Variants in KCNH1 observed in about 807,000 individuals in gnomAD.
KCNH1 encodes voltage-gated delayed rectifier potassium channel KCNH1.
In KCNH1, 27 loss-of-function variants were observed where a neutral mutation model predicts 69.2. The observed-to-expected ratio is 0.39, with a 90% CI of 0.29 to 0.54. The LOEUF is 0.54. KCNH1 is among the 20% of genes least tolerant of loss of function. The pLI, the probability that KCNH1 is intolerant of heterozygous loss-of-function variation, is 0.68. For synonymous variants in KCNH1, 456 were observed against 487.7 expected (o/e 0.93, Z 0.86); for missense variants, 798 against 1,261.6 (o/e 0.63, Z 5.57).
At chr1:211,087,606 TAC>T (rs59377189) in intron 4 of KCNH1, among the ~76,000 whole-genome samples, 10,135 of 142,594 alleles carry the variant, frequency 0.071, 518 homozygotes, top group African/African-American at 0.15. Flanking sequence ...CCTTTAAGCA[TAC>T]ACACACACAC....
chr1:210,970,620 C>T (rs1230796634), intron 6 of KCNH1, among the ~76,000 whole-genome samples: 4 of 152,140 alleles, frequency 2.6e-5, no homozygotes, highest in Admixed American at 2.6e-4. Context: ...CTTCCTCACA[C>T]CTTATACAAA....
At chr1:211,049,157 AACCC>A (rs1166142566) in intron 5 of KCNH1, among the ~76,000 whole-genome samples, 6 of 152,252 alleles carry the variant, frequency 3.9e-5, no homozygotes, top group African/African-American at 1.4e-4. Flanking sequence ...ACCCACAAGG[AACCC>A]ACAGTTTAGA....
intron 6 of KCNH1, among the ~76,000 whole-genome samples, chr1:210,944,458 G>C (rs1687923351): frequency 6.6e-6 from 1 of 152,252 alleles, no homozygotes; most frequent in South Asian, 2.1e-4. Flanking sequence ...CAAGGGGTGG[G>C]ACCACTTAAC....
At chr1:210,789,623 A>AT (rs1488074068) in intron 9 of KCNH1, among the ~76,000 whole-genome samples, 2 of 152,172 alleles carry the variant, frequency 1.3e-5, no homozygotes, top group African/African-American at 4.8e-5. Flanking sequence ...TTAAAACAAC[A>AT]TTTTTTTCCA....
intron 10 of KCNH1, among the ~76,000 whole-genome samples, chr1:210,753,471 C>T (rs1311050072): frequency 6.6e-6 from 1 of 152,188 alleles, no homozygotes; most frequent in Non-Finnish European, 1.5e-5. Context: ...ATGGGGTTGT[C>T]CTCGGCTTTG....
intron 7 of KCNH1, among the ~76,000 whole-genome samples, chr1:210,836,267 C>T (rs1685280878): frequency 6.6e-6 from 1 of 152,056 alleles, no homozygotes; most frequent in Non-Finnish European, 1.5e-5. Context: ...AAGAGGGTAG[C>T]TTTGTACTTA....
intron 5 of KCNH1, among the ~76,000 whole-genome samples, chr1:211,080,450 C>T (rs977752473): frequency 6.6e-6 from 1 of 152,160 alleles, no homozygotes; most frequent in Non-Finnish European, 1.5e-5. Context: ...ACTTTCTTCA[C>T]AGAATTGGAA....
chr1:210,702,748 T>C (rs1681812212), intron 10 of KCNH1, among the ~76,000 whole-genome samples: 1 of 152,214 alleles, frequency 6.6e-6, no homozygotes, highest in South Asian at 2.1e-4. Flanking sequence ...TGATTTGTGC[T>C]TCTAAGGACA....
At chr1:210,829,850 C>T (rs551458119) in intron 7 of KCNH1, among the ~76,000 whole-genome samples, 8 of 152,280 alleles carry the variant, frequency 5.3e-5, no homozygotes, top group East Asian at 1.9e-4. Context: ...TACCTTCTAA[C>T]GAATCATAAA....
At chr1:211,031,823 T>G (rs1450254071) in intron 5 of KCNH1, among the ~76,000 whole-genome samples, 1 of 152,126 alleles carries the variant, frequency 6.6e-6, no homozygotes, top group African/African-American at 2.4e-5. Flanking sequence ...GGACAAAAAC[T>G]GAAAGCATTC....
intron 6 of KCNH1, among the ~76,000 whole-genome samples, chr1:210,975,821 G>A (rs535258101): frequency 1.3e-5 from 2 of 152,232 alleles, no homozygotes; most frequent in African/African-American, 2.4e-5. Flanking sequence ...GCAACCTACA[G>A]AATGGGAGAA....
intron 6 of KCNH1, among the ~76,000 whole-genome samples, chr1:210,982,032 C>A (rs1311342942): frequency 1.3e-5 from 2 of 151,950 alleles, no homozygotes; most frequent in Non-Finnish European, 2.9e-5. Flanking sequence ...GCTCAGGAAT[C>A]AATCAGGCAA....
At chr1:210,684,283 C>T (rs1411825381) in intron 10 of KCNH1, 145 bp from the exon 11 acceptor site, 8 of 747,944 alleles carry the variant, frequency 1.1e-5, no homozygotes, top group Non-Finnish European at 1.5e-5. Flanking sequence ...TACAAGGCCT[C>T]ATGAGGCTTT....
In KCNH1 at chr1:210,683,283, A is replaced by G. The variant is rs754384098; in HGVS notation, c.2968T>C (p.Ter990ArgextTer37). The G allele has an allele frequency of 1.2e-6, 2 of 1,612,646 alleles. No homozygotes were observed. Among genetic ancestry groups the G allele is most frequent in the Non-Finnish European group, 1.7e-6 (2 of 1,179,286 alleles). ...GACTTTTTTTTTAAATAGACCTCTC[A>G]GCTGGCTCCAAAAATGTCTCTCTCT... ...ESERDIFGAS[*>R] Residue 990 changes from the stop codon to arginine (R), a stop_lost, in exon 11 of 11, where the codon TGA becomes CGA. Coordinates refer to ENST00000271751, the MANE Select transcript of KCNH1 (RefSeq NM_172362.3). This position sits in a 1 kb window ranked among gnomAD's most constrained non-coding sequence, Gnocchi z 5.7.
At chr1:211,055,399 A>G (rs990645340) in intron 5 of KCNH1, among the ~76,000 whole-genome samples, 4 of 152,236 alleles carry the variant, frequency 2.6e-5, no homozygotes, top group Non-Finnish European at 5.9e-5. Context: ...CATTCATCCC[A>G]GTAGTCAGAA....
intron 7 of KCNH1, among the ~76,000 whole-genome samples, chr1:210,837,035 T>TA (rs2102447946): frequency 6.6e-6 from 1 of 152,310 alleles, no homozygotes; most frequent in East Asian, 1.9e-4. Context: ...TACCATGACT[T>TA]ACGATGTTCT....
At chr1:210,889,420 T>A (rs1365635268) in intron 7 of KCNH1, among the ~76,000 whole-genome samples, 4 of 152,206 alleles carry the variant, frequency 2.6e-5, no homozygotes, top group African/African-American at 9.6e-5. Context: ...TAATGAGAGC[T>A]ATTTATGACC....
At position 211,019,070 on chromosome 1, in the gene KCNH1, C is replaced by T. The variant is rs747139848; in HGVS notation, c.745G>A (p.Ala249Thr). ...VSFKTRQNNVAWLVVDSIVDV... is the reference protein window; with the variant it reads ...VSFKTRQNNVTWLVVDSIVDV... ...ACGATGCTATCAACAACCAGCCAGGCCACATTATTCTGCCTGGTTTTGAAG... is the reference window on the plus strand; with the variant it reads ...ACGATGCTATCAACAACCAGCCAGGTCACATTATTCTGCCTGGTTTTGAAG... The change falls in exon 6 of 11, where the codon GCC (alanine) becomes ACC (threonine). Residue 249 changes from alanine to threonine, a missense_variant. Physicochemically the swap from Ala to Thr is moderately conservative, Grantham distance 58. Around this residue, in one of 4 missense-constraint regions of KCNH1, gnomAD observed 266 missense variants for 457.2 expected, o/e 0.58. Transcript: ENST00000271751. 22 of 1,614,018 alleles carry T rather than the reference C, an allele frequency of 1.4e-5. No homozygotes were observed. The highest frequency in any genetic ancestry group is 1.9e-5 in the Non-Finnish European group (22 of 1,179,962).
At position 210,813,756 on chromosome 1, in the gene KCNH1, C is replaced by A. The variant is rs185788219; in HGVS notation, c.1463-9590G>T. Among the ~76,000 whole-genome samples, 516 of 152,262 alleles carry A rather than the reference C, an allele frequency of 3.4e-3. 4 individuals carry two copies. The highest frequency in any genetic ancestry group is 5.5e-3 in the Non-Finnish European group (376 of 68,014). ...GGGTAGTGATATGGTTTGGCTGTGT[C>A]CTCACCCAAATCTCATCTTGAATTG... is the stretch of plus-strand genomic sequence containing the variant. On this transcript the variant is annotated intron_variant, in intron 7 of 10. Coordinates refer to ENST00000271751, the MANE Select transcript of KCNH1 (RefSeq NM_172362.3).
Sources: gnomAD v4.1 joint callset for allele counts (sites outside exome capture counted in the v4.1 genomes callset) on GRCh38, gnomAD v4.1.1 for gene constraint, gnomAD v4.1.1 regional missense constraint, Gnocchi (gnomAD v3.1) non-coding constraint, MANE v1.5 for transcripts, NCBI Gene and HGNC (gene_info 2026-07-23, HGNC 2026-07-21) for gene names.